LRP2: variants seen among roughly 807,000 people sequenced by gnomAD.
LRP2 encodes LDL receptor related protein 2, also known as low-density lipoprotein receptor-related protein 2.
LRP2 carries 172 observed loss-of-function variants against 531.0 expected under a neutral mutation model. The ratio of observed to expected loss-of-function variants is 0.32; its 90% CI spans 0.29 to 0.37. LRP2 has a LOEUF of 0.37. Among genes scored for constraint, LRP2 ranks in the 10% least tolerant of loss-of-function variants. The pLI is 1.00. For synonymous variants in LRP2, 1,992 were observed against 2,027.6 expected (o/e 0.98, Z 0.47); for missense variants, 5,167 against 5,868.3 (o/e 0.88, Z 3.90).
intron 26 of LRP2, among the ~76,000 whole-genome samples, chr2:169,239,173 G>C (rs572795795): frequency 6.6e-6 from 1 of 152,190 alleles, no homozygotes; most frequent in Admixed American, 6.5e-5. Flanking sequence ...CTTTCTTATA[G>C]CAGAAATTGA....
In LRP2 at chr2:169,280,253, A is replaced by T; in HGVS notation, c.1341+97T>A. The T allele has an allele frequency of 2.2e-6, 3 of 1,382,670 alleles. No individual in the cohort carries two copies. The South Asian group carries it at 3.7e-5, about 17-fold the overall frequency. The allele number at this position is 1,382,670 out of a possible 1,614,324, so 85.7% of individuals were successfully genotyped here. A position where few individuals can be genotyped will look rare whatever the true frequency, so the allele number is the denominator to read the frequency against. On this transcript the variant is annotated intron_variant, in intron 11 of 78. Coordinates refer to ENST00000649046, the MANE Select transcript of LRP2 (RefSeq NM_004525.3). Reference sequence around the variant, plus strand: ...ATATCTCAAGGGCCTTTTTTGTTAGAAAACAAAGGAACTTTCCCCTCTACT... The same window carrying T: ...ATATCTCAAGGGCCTTTTTTGTTAGTAAACAAAGGAACTTTCCCCTCTACT...
chr2:169,344,308 C>G (rs1348039174), intron 1 of LRP2, among the ~76,000 whole-genome samples: 1 of 151,754 alleles, frequency 6.6e-6, no homozygotes, highest in Non-Finnish European at 1.5e-5. Context: ...TGTGATGCTC[C>G]CCTCCCTGTG....
Position 169,275,131 on chromosome 2 carries a change from G to A in LRP2, c.1880C>T (p.Ala627Val). The A allele has an allele frequency of 6.2e-7, 1 of 1,613,752 alleles. No individual in the cohort carries two copies. Among genetic ancestry groups the A allele is most frequent in the Non-Finnish European group, 8.5e-7 (1 of 1,179,846 alleles). The change falls in exon 14 of 79, where the codon GCA becomes GTA. Residue 627 changes from alanine (A) to valine (V), a missense_variant. Ala to Val is a moderately conservative substitution (Grantham distance 64, BLOSUM62 0). This residue lies in a region of LRP2 where 2,811 missense variants were observed against 3,058.0 expected (regional missense o/e 0.92). Coordinates refer to ENST00000649046, the MANE Select transcript of LRP2 (RefSeq NM_004525.3). ...TDWTKMAVLK[A>V]NKFTETNPQV... ...TGGGTTGGTCTCTGTGAACTTGTTTGCCTTCAGCACGGCCATCTTTGTCCA... is the reference window on the plus strand; with the variant it reads ...TGGGTTGGTCTCTGTGAACTTGTTTACCTTCAGCACGGCCATCTTTGTCCA...
At position 169,206,174 on chromosome 2, in the gene LRP2, C is replaced by T; in HGVS notation, c.7405G>A (p.Asp2469Asn). The change falls in exon 40 of 79, where the codon GAT becomes AAT. Residue 2469 changes from aspartate (D) to asparagine (N), a missense_variant. This residue lies in a region of LRP2 where 1,129 missense variants were observed against 1,362.7 expected (regional missense o/e 0.83). Transcript: ENST00000649046. ...TVIASGIGTA[D>N]GIAFDWITRR... ...GTAATCCAGTCAAAGGCAATGCCATCAGCAGTCCCTATACCTGGACACATA... is the reference window on the plus strand; with the variant it reads ...GTAATCCAGTCAAAGGCAATGCCATTAGCAGTCCCTATACCTGGACACATA... 4 of 1,614,210 alleles carry T rather than the reference C, an allele frequency of 2.5e-6. No homozygotes were observed. The highest frequency in any genetic ancestry group is 2.7e-5 in the African/African-American group (2 of 75,048).
chr2:169,170,706 G>T, intron 58 of LRP2, 39 bp from the exon 59 acceptor site: 1 of 1,376,542 alleles, frequency 7.3e-7, no homozygotes, highest in Non-Finnish European at 1.0e-6. Context: ...TGTGCACCAG[G>T]AATCACATAC....
At chr2:169,282,356 G>A (rs1265329787) in intron 10 of LRP2, among the ~76,000 whole-genome samples, 1 of 152,126 alleles carries the variant, frequency 6.6e-6, no homozygotes, top group Non-Finnish European at 1.5e-5. Context: ...CTACTACTCT[G>A]TACTACTCTC....
intron 1 of LRP2, among the ~76,000 whole-genome samples, chr2:169,356,303 C>T (rs1046134300): frequency 6.6e-6 from 1 of 152,210 alleles, no homozygotes; most frequent in Non-Finnish European, 1.5e-5. Context: ...GTGGTAGCCA[C>T]TGTAAGGATG....
intron 1 of LRP2, among the ~76,000 whole-genome samples, chr2:169,327,565 C>A (rs1327397465): frequency 1.5e-5 from 2 of 129,084 alleles, no homozygotes; most frequent in Non-Finnish European, 3.4e-5. Flanking sequence ...CCAGCCGCCC[C>A]ATCCGGGAGG....
intron 16 of LRP2, among the ~76,000 whole-genome samples, chr2:169,269,885 C>A (rs1375559179): frequency 6.6e-6 from 1 of 152,132 alleles, no homozygotes; most frequent in Non-Finnish European, 1.5e-5. Context: ...CCAGAATCTA[C>A]AAAGAACTTA....
At chr2:169,353,249 TA>T (rs1685900449) in intron 1 of LRP2, among the ~76,000 whole-genome samples, 1 of 152,158 alleles carries the variant, frequency 6.6e-6, no homozygotes. Flanking sequence ...AGAACATAAC[TA>T]AAACCTTCTC....
In LRP2 at chr2:169,137,467, C is replaced by T. The variant is rs34029982; in HGVS notation, c.13545G>A (p.Gly4515=). ...AMSEDFVMEM[G]KQPIIFENPM... Reference sequence around the variant, plus strand: ...GGTTTTCAAATATTATGGGCTGCTTCCCCATTTCCATGACAAAGTCTTCAC... The same window carrying T: ...GGTTTTCAAATATTATGGGCTGCTTTCCCATTTCCATGACAAAGTCTTCAC... Residue 4515 remains glycine, a synonymous_variant, in exon 76 of 79, where the codon GGG becomes GGA. Transcript: ENST00000649046. The T allele has an allele frequency of 1.2e-3, 1,911 of 1,613,050 alleles. 24 individuals are homozygous for T. In the African/African-American group the frequency reaches 0.023, roughly 20 times the overall value.
At chr2:169,184,293 T>C (rs755352439) in intron 50 of LRP2, among the ~76,000 whole-genome samples, 1 of 152,176 alleles carries the variant, frequency 6.6e-6, no homozygotes, top group Non-Finnish European at 1.5e-5. Context: ...ATACATACAA[T>C]AGGAATGCTT....
chr2:169,231,630 C>T (rs527680066), intron 31 of LRP2, 84 bp downstream of exon 31: 24 of 1,542,860 alleles, frequency 1.6e-5, no homozygotes, highest in Middle Eastern at 4.4e-4. Context: ...CATGTTCAGT[C>T]GCAATTGGTT....
chr2:169,324,756 G>A (rs2673178), intron 1 of LRP2, among the ~76,000 whole-genome samples: 63,824 of 151,920 alleles, frequency 0.42, 14,284 homozygotes, highest in African/African-American at 0.59. Flanking sequence ...CAGAGAAGAG[G>A]AGTCATTTGC....
At chr2:169,236,528 A>G (rs1212145409) in intron 28 of LRP2, among the ~76,000 whole-genome samples, 1 of 152,258 alleles carries the variant, frequency 6.6e-6, no homozygotes, top group African/African-American at 2.4e-5. Flanking sequence ...CATTGAACAT[A>G]ACTTGCCTAA....
chr2:169,270,224 A>G (rs1683366486), intron 16 of LRP2, among the ~76,000 whole-genome samples: 1 of 152,216 alleles, frequency 6.6e-6, no homozygotes, highest in East Asian at 1.9e-4. Flanking sequence ...TAGAACTAGA[A>G]ATAACATTTG....
intron 1 of LRP2, among the ~76,000 whole-genome samples, chr2:169,340,470 T>C (rs1685533926): frequency 6.6e-6 from 1 of 152,202 alleles, no homozygotes; most frequent in Non-Finnish European, 1.5e-5. Flanking sequence ...AATGTGATCA[T>C]AGGACTAAGT....
At chr2:169,140,786 A>T (rs957559350) in intron 71 of LRP2, among the ~76,000 whole-genome samples, 3 of 152,264 alleles carry the variant, frequency 2.0e-5, no homozygotes, top group African/African-American at 7.2e-5. Flanking sequence ...ATGGAGAGGT[A>T]CTAGACTCTG....
rs760314666 is a variant in LRP2, at chr2:169,166,005, G to A, written c.11685C>T (p.Arg3895=). ...TGCACACCTCATGACTATAAATGCA[G>A]CGATTGTTGTCACACCGGAAACGGT... The part of the protein sequence containing the change: ...SPNRFRCDNN[R]CIYSHEVCNG... The change falls in exon 62 of 79, where the codon CGC becomes CGT. Residue 3895 remains arginine, a synonymous_variant. Coordinates refer to ENST00000649046, the MANE Select transcript of LRP2 (RefSeq NM_004525.3). 9 of 1,614,056 alleles carry A rather than the reference G, an allele frequency of 5.6e-6. No individual in the cohort carries two copies. In the East Asian group the frequency reaches 2.0e-4, roughly 36 times the overall value.
Sources: allele counts gnomAD v4.1 joint callset (sites outside exome capture counted in the v4.1 genomes callset), GRCh38; gene constraint gnomAD v4.1.1; regional missense constraint gnomAD v4.1.1; transcripts MANE v1.5; gene names NCBI Gene and HGNC (gene_info 2026-07-23, HGNC 2026-07-21).